Variants in PDE3B observed in about 807,000 individuals in gnomAD.
PDE3B encodes the protein phosphodiesterase 3B.
PDE3B carries 66 observed loss-of-function variants against 116.8 expected under a neutral mutation model. The ratio of observed to expected loss-of-function variants is 0.56; its 90% CI spans 0.46 to 0.69. PDE3B has a LOEUF of 0.69. Ranked by LOEUF, PDE3B falls within the 30% of genes least tolerant of loss-of-function variation. The pLI, the probability that PDE3B is intolerant of heterozygous loss-of-function variation, is 0.00. For synonymous variants in PDE3B, 595 were observed against 533.6 expected (o/e 1.12, Z -1.59); for missense variants, 1,384 against 1,368.1 (o/e 1.01, Z -0.18).
chr11:14,755,995 T>G (rs2054369189), intron 1 of PDE3B, among the ~76,000 whole-genome samples: 1 of 152,176 alleles, frequency 6.6e-6, no homozygotes, highest in Admixed American at 6.5e-5. Context: ...GAACAGACTT[T>G]AGATGATTAT....
At position 14,771,774 on chromosome 11, in the gene PDE3B, T is replaced by G. The variant is rs539440104; in HGVS notation, c.979-163T>G. ...TTGATTTCTCAATTATAGATTATAT[T>G]AATGAAATATTCTGTCGAGATAATT... is the stretch of plus-strand genomic sequence containing the variant. On this transcript the variant is annotated intron_variant, in intron 1 of 15. Transcript: ENST00000282096. 7.9e-5 allele frequency among the ~76,000 whole-genome samples: 12 copies of G among 151,916 alleles called. No homozygotes were observed. The South Asian group carries it at 2.5e-3, about 31-fold the overall frequency.
intron 2 of PDE3B, 152 bp downstream of exon 2, chr11:14,772,139 C>T: frequency 2.4e-6 from 1 of 415,192 alleles, no homozygotes; most frequent in African/African-American, 2.1e-5. Context: ...TTAACTAGAA[C>T]CTTCATTGAG....
At chr11:14,654,139 GA>G (rs1169448486) in intron 1 of PDE3B, among the ~76,000 whole-genome samples, 1 of 151,780 alleles carries the variant, frequency 6.6e-6, no homozygotes, top group African/African-American at 2.4e-5. Flanking sequence ...AGAAATATTA[GA>G]AAAAAATGTC....
intron 1 of PDE3B, among the ~76,000 whole-genome samples, chr11:14,657,403 G>A (rs1298513704): frequency 7.2e-5 from 11 of 152,126 alleles, no homozygotes; most frequent in Admixed American, 7.2e-4. Context: ...CTGCTTCAAT[G>A]TAACACTTTG....
At chr11:14,855,436 G>C (rs1847831592) in intron 12 of PDE3B, among the ~76,000 whole-genome samples, 1 of 151,908 alleles carries the variant, frequency 6.6e-6, no homozygotes, top group Non-Finnish European at 1.5e-5. Flanking sequence ...AGCAACAATA[G>C]ATGCTAGACA....
chr11:14,727,034 A>T (rs1424000355), intron 1 of PDE3B, among the ~76,000 whole-genome samples: 1 of 152,104 alleles, frequency 6.6e-6, no homozygotes, highest in Non-Finnish European at 1.5e-5. Context: ...TTGATTCATA[A>T]TCCCTTTTTG....
intron 1 of PDE3B, among the ~76,000 whole-genome samples, chr11:14,685,603 GCAC>G (rs1218259348): frequency 6.6e-6 from 1 of 151,492 alleles, no homozygotes; most frequent in African/African-American, 2.4e-5. Flanking sequence ...TTACAGACGT[GCAC>G]CACCATGCCT....
chr11:14,672,622 C>T (rs1854406335), intron 1 of PDE3B, among the ~76,000 whole-genome samples: 1 of 152,098 alleles, frequency 6.6e-6, no homozygotes, highest in African/African-American at 2.4e-5. Context: ...CACATTCAGG[C>T]TGCTGGGTCT....
At position 14,685,977 on chromosome 11, in the gene PDE3B, G is replaced by T. The variant is rs566660307; in HGVS notation, c.978+40924G>T. On this transcript the variant is annotated intron_variant, in intron 1 of 15. Transcript: ENST00000282096. Reference sequence around the variant, plus strand: ...TGGACAGGTAAGCCCTTTTATGGTTGCTGAAATAAGTCCATATCCTAGAGA... The same window carrying T: ...TGGACAGGTAAGCCCTTTTATGGTTTCTGAAATAAGTCCATATCCTAGAGA... 8.5e-4 allele frequency among the ~76,000 whole-genome samples: 129 copies of T among 152,188 alleles called. 1 individual carries two copies. Among genetic ancestry groups the T allele is most frequent in the Middle Eastern group, 3.4e-3 (1 of 294 alleles).
chr11:14,856,747 G>A (rs755860126), intron 12 of PDE3B, among the ~76,000 whole-genome samples: 48 of 151,950 alleles, frequency 3.2e-4, no homozygotes, highest in Non-Finnish European at 3.5e-4. Flanking sequence ...CCAGCTACTC[G>A]GGAGGCTGAG....
chr11:14,759,581 G>GCA, intron 1 of PDE3B, among the ~76,000 whole-genome samples: 1 of 127,188 alleles, frequency 7.9e-6, no homozygotes, highest in Non-Finnish European at 1.6e-5. Flanking sequence ...ACAGAGTCTT[G>GCA]CTTTGTCGCC....
intron 3 of PDE3B, among the ~76,000 whole-genome samples, chr11:14,787,211 T>A (rs147711961): frequency 1.3e-3 from 205 of 152,120 alleles, no homozygotes; most frequent in African/African-American, 4.7e-3. Flanking sequence ...AATTTCTCTT[T>A]AAAATATAAA....
intron 4 of PDE3B, among the ~76,000 whole-genome samples, chr11:14,801,605 TG>T (rs1415466292): frequency 6.6e-6 from 1 of 152,150 alleles, no homozygotes; most frequent in Non-Finnish European, 1.5e-5. Context: ...TCAGGATACA[TG>T]GGGGTCAGGG....
At chr11:14,875,660 T>C (rs1236531211), downstream of PDE3B, among the ~76,000 whole-genome samples, 3 of 152,194 alleles carry the variant, frequency 2.0e-5, no homozygotes, top group African/African-American at 4.8e-5. Flanking sequence ...TTCCAAATAA[T>C]TGAGTTGAAA....
chr11:14,644,300 C>T lies in PDE3B; in HGVS notation c.225C>T (p.Phe75=), dbSNP rs754225303. The T allele has an allele frequency of 3.2e-6, 5 of 1,564,210 alleles. No homozygotes were observed. In the South Asian group the frequency reaches 4.6e-5, roughly 14 times the overall value. Residue 75 remains phenylalanine, a synonymous_variant, in exon 1 of 16, where the codon TTC becomes TTT. Transcript: ENST00000282096. The part of the protein sequence containing the change: ...SPQQPRRCSP[F]CRARLSLGAL... ...AGCAGCCGCGGCGCTGCTCCCCCTT[C>T]TGCCGGGCGCGCCTCTCGCTGGGCG...
intron 1 of PDE3B, among the ~76,000 whole-genome samples, chr11:14,687,005 G>T (rs143453375): frequency 6.6e-6 from 1 of 152,102 alleles, no homozygotes; most frequent in African/African-American, 2.4e-5. Context: ...GAGCCACCAC[G>T]CCTGGCCATT....
intron 12 of PDE3B, among the ~76,000 whole-genome samples, chr11:14,853,489 C>G (rs1847794575): frequency 6.6e-6 from 1 of 152,162 alleles, no homozygotes; most frequent in South Asian, 2.1e-4. Flanking sequence ...GTTTATGAGG[C>G]CTTCTTCAAC....
intron 1 of PDE3B, 44 bp downstream of exon 1, chr11:14,645,097 G>A (rs749165742): frequency 3.6e-5 from 53 of 1,457,234 alleles, no homozygotes. Flanking sequence ...AGCGGGTTCG[G>A]GTTTACCGCT....
chr11:14,795,442 CG>C lies in PDE3B; in HGVS notation c.1415+6201del, dbSNP rs1370393981. On this transcript the variant is annotated intron_variant, in intron 4 of 15. Coordinates refer to ENST00000282096, the MANE Select transcript of PDE3B (RefSeq NM_000922.4). Reference sequence around the variant, plus strand: ...TCGTCTGCTTGTCTTCTGCTTTCTTCGTATTGATTTATGTAATTTCATTGAG... The same window carrying C: ...TCGTCTGCTTGTCTTCTGCTTTCTTCTATTGATTTATGTAATTTCATTGAG... Among the ~76,000 whole-genome samples, 6 of 152,256 alleles carry C rather than the reference CG, an allele frequency of 3.9e-5. No homozygotes were observed. The East Asian group carries it at 1.2e-3, about 29-fold the overall frequency.
Sources: allele counts gnomAD v4.1 joint callset (sites outside exome capture counted in the v4.1 genomes callset), GRCh38; gene constraint gnomAD v4.1.1; transcripts MANE v1.5; gene names NCBI Gene and HGNC (gene_info 2026-07-23, HGNC 2026-07-21).